ANTXR1: variants seen among roughly 807,000 people sequenced by gnomAD.
ANTXR1 encodes the protein anthrax toxin receptor 1.
Under a neutral mutation model 78.1 loss-of-function variants are expected in ANTXR1, and 19 were observed. The observed-to-expected ratio is 0.24, with a 90% confidence interval of 0.17 to 0.36. The LOEUF (loss-of-function observed/expected upper bound fraction) is 0.36. ANTXR1 is among the 10% of genes least tolerant of loss of function. The pLI is 1.00. For synonymous variants in ANTXR1, 273 were observed against 260.5 expected, an observed-to-expected ratio of 1.05 and a Z score of -0.46; for missense variants, 518 against 718.6, an observed-to-expected ratio of 0.72 and a Z score of 3.19.
intron 16 of ANTXR1, among the ~76,000 whole-genome samples, chr2:69,190,615 G>A (rs1280068043): frequency 6.6e-6 from 1 of 152,140 alleles, no homozygotes; most frequent in Non-Finnish European, 1.5e-5. Context: ...TTAAATATGA[G>A]AAAAGTAAGG....
chr2:69,170,223 G>A (rs1031866889), intron 13 of ANTXR1, 25 bp from the exon 14 acceptor site: 5 of 1,614,026 alleles, frequency 3.1e-6, no homozygotes, highest in Admixed American at 3.3e-5. Context: ...ATTTTTCACT[G>A]ACCTGTTCTC....
intron 9 of ANTXR1, among the ~76,000 whole-genome samples, chr2:69,091,170 C>T (rs952198636): frequency 2.6e-5 from 4 of 151,310 alleles, no homozygotes; most frequent in South Asian, 2.1e-4. Context: ...CTGGGCGCGG[C>T]GCCTTATGCC....
At chr2:69,056,780 T>C (rs77140031) in intron 3 of ANTXR1, among the ~76,000 whole-genome samples, 9,175 of 152,222 alleles carry the variant, frequency 0.06, 561 homozygotes, top group East Asian at 0.24. Context: ...TTCAAGCAAT[T>C]CTCATGCCTC....
rs200277197 is a variant in ANTXR1, at chr2:69,115,430, CTTA to C, written c.803-7583_803-7581del. On this transcript the variant is annotated intron_variant, in intron 10 of 17. Coordinates refer to ENST00000303714, the MANE Select transcript of ANTXR1 (RefSeq NM_032208.3). ...AGTAATGACAGTTATATGTTGAGTG[CTTA>C]TTAAGTGCTAAGCATTAAATGATAT... Among the ~76,000 whole-genome samples the C allele has an allele frequency of 5.5e-3, 842 of 152,292 alleles. 6 individuals are homozygous for C. The highest frequency in any genetic ancestry group is 0.019 in the African/African-American group (799 of 41,548).
intron 8 of ANTXR1, among the ~76,000 whole-genome samples, chr2:69,085,169 G>GGCTTATCCAATGTGCTT (rs1389008969): frequency 3.3e-5 from 5 of 152,140 alleles, no homozygotes; most frequent in Non-Finnish European, 7.4e-5. Context: ...GCTATCCCCA[G>GGCTTATCCAATGTGCTT]GCTTATCCAA....
intron 10 of ANTXR1, among the ~76,000 whole-genome samples, chr2:69,119,718 T>G (rs1333681427): frequency 1.3e-5 from 2 of 152,226 alleles, no homozygotes; most frequent in Non-Finnish European, 2.9e-5. Context: ...AAGCACAGCT[T>G]CTATCAAGGC....
At chr2:69,020,250 G>A (rs913629706) in intron 1 of ANTXR1, among the ~76,000 whole-genome samples, 2 of 152,048 alleles carry the variant, frequency 1.3e-5, no homozygotes, top group Non-Finnish European at 2.9e-5. Flanking sequence ...GTATTGAGGT[G>A]GACTTAATGC....
Position 69,028,397 on chromosome 2 carries a change from G to A in ANTXR1, c.153-11647G>A, listed in dbSNP as rs185025794. ...GAACATTAAATGGTGAATTTTGATT[G>A]ACACAATTAATCTTTTATGATGGAT... On this transcript the variant is annotated intron_variant, in intron 1 of 17. Transcript: ENST00000303714. 2.0e-3 allele frequency among the ~76,000 whole-genome samples: 302 copies of A among 152,252 alleles called. 1 individual carries two copies. The highest frequency in any genetic ancestry group is 7.0e-3 in the African/African-American group (291 of 41,546).
intron 13 of ANTXR1, among the ~76,000 whole-genome samples, chr2:69,152,800 G>C (rs1312068080): frequency 6.6e-6 from 1 of 152,096 alleles, no homozygotes; most frequent in Non-Finnish European, 1.5e-5. Flanking sequence ...CCTACTGTGT[G>C]ACCAGCACTG....
At chr2:69,191,052 C>T (rs1419807207) in intron 16 of ANTXR1, among the ~76,000 whole-genome samples, 2 of 152,142 alleles carry the variant, frequency 1.3e-5, no homozygotes, top group Non-Finnish European at 2.9e-5. Context: ...TGGTTACATC[C>T]TGAAATATAA....
In ANTXR1 at chr2:69,103,132, C is replaced by T. The variant is rs1671680881; in HGVS notation, c.802+192C>T. On this transcript the variant is annotated intron_variant, in intron 10 of 17. Coordinates refer to ENST00000303714, the MANE Select transcript of ANTXR1 (RefSeq NM_032208.3). ...TCAGAAAAGGCACCACTTGGGTGGG[C>T]ACAGCCCCATGGGTGTCCAGCTTGG... The T allele has an allele frequency of 1.0e-5, 7 of 672,046 alleles. No homozygotes were observed. In the South Asian group the frequency reaches 1.1e-4, roughly 11 times the overall value. 41.6% of individuals were successfully genotyped at this position (672,046 alleles called of 1,614,324 possible).
At chr2:69,189,328 T>C (rs1342876692) in intron 16 of ANTXR1, among the ~76,000 whole-genome samples, 1 of 152,204 alleles carries the variant, frequency 6.6e-6, no homozygotes, top group Non-Finnish European at 1.5e-5. Flanking sequence ...CCTTTATTAT[T>C]GATAACAGCC....
intron 17 of ANTXR1, among the ~76,000 whole-genome samples, chr2:69,230,417 G>T (rs1675562765): frequency 6.6e-6 from 1 of 152,062 alleles, no homozygotes; most frequent in Admixed American, 6.6e-5. Context: ...ATGGCAAGTA[G>T]TTGTAACTTT....
At chr2:69,242,029 G>A (rs1433935419) in intron 17 of ANTXR1, among the ~76,000 whole-genome samples, 1 of 152,144 alleles carries the variant, frequency 6.6e-6, no homozygotes, top group Non-Finnish European at 1.5e-5. Flanking sequence ...CTGGGCTTTT[G>A]TGCTCAGCTC....
intron 3 of ANTXR1, among the ~76,000 whole-genome samples, chr2:69,049,557 A>C (rs1317358086): frequency 2.6e-5 from 4 of 151,914 alleles, no homozygotes; most frequent in Non-Finnish European, 5.9e-5. Context: ...TAATCCACCC[A>C]CCTCGGCCTT....
At chr2:69,073,847 AGT>A (rs1166241992) in intron 6 of ANTXR1, among the ~76,000 whole-genome samples, 1 of 152,230 alleles carries the variant, frequency 6.6e-6, no homozygotes, top group African/African-American at 2.4e-5. Flanking sequence ...TAGCCTTATT[AGT>A]GACAAAGGTT....
At chr2:69,099,362 G>T (rs910900908) in intron 9 of ANTXR1, among the ~76,000 whole-genome samples, 11 of 152,148 alleles carry the variant, frequency 7.2e-5, no homozygotes, top group African/African-American at 2.4e-4. Context: ...GAACATTTAG[G>T]TTATTTCCAT....
intron 3 of ANTXR1, among the ~76,000 whole-genome samples, chr2:69,052,033 G>A (rs778945692): frequency 6.0e-4 from 91 of 151,992 alleles, no homozygotes; most frequent in Non-Finnish European, 1.1e-3. Context: ...AGTAACAGTT[G>A]CAAGTTAATT....
chr2:69,056,488 C>T (rs186160766), intron 3 of ANTXR1, among the ~76,000 whole-genome samples: 6 of 152,040 alleles, frequency 3.9e-5, no homozygotes, highest in Admixed American at 6.5e-5. Context: ...GGTTAATGAA[C>T]ACTCATTACC....
Sources: allele counts gnomAD v4.1 joint callset (sites outside exome capture counted in the v4.1 genomes callset), GRCh38; gene constraint gnomAD v4.1.1; transcripts MANE v1.5; gene names NCBI Gene and HGNC (gene_info 2026-07-23, HGNC 2026-07-21).